BABAM2: variants seen among roughly 807,000 people sequenced by gnomAD.
The protein encoded by BABAM2 is BRISC and BRCA1-A complex member 2.
A neutral mutation model predicts 54.7 loss-of-function variants in BABAM2; 31 were observed. The ratio of observed to expected loss-of-function variants is 0.57; its 90% CI spans 0.43 to 0.77. The LOEUF (loss-of-function observed/expected upper bound fraction) is 0.77. Among genes scored for constraint, BABAM2 ranks in the 30% least tolerant of loss-of-function variants. BABAM2 has a pLI of 0.00. For missense variants in BABAM2, 364 were observed against 455.8 expected (o/e 0.80, Z 1.83); for synonymous variants, 167 against 162.9 (o/e 1.03, Z -0.19).
Position 28,240,109 on chromosome 2 carries a change from CT to C in BABAM2, c.781-1201del, listed in dbSNP as rs545871952. Among the ~76,000 whole-genome samples the C allele has an allele frequency of 7.8e-3, 1,119 of 142,586 alleles. 5 individuals are homozygous for C. Among genetic ancestry groups the C allele is most frequent in the African/African-American group, 0.02 (778 of 39,250 alleles). The allele number at this position is 142,586 out of a possible 152,430, so 93.5% of individuals were successfully genotyped here. On this transcript the variant is annotated intron_variant, in intron 8 of 11. Coordinates refer to ENST00000379624, the MANE Select transcript of BABAM2 (RefSeq NM_199191.3). ...ACTAGCACAATTTGTTTTCTTTTTT[CT>C]TTTTTTTTTTTTAAGAGATAAGATC...
chr2:27,967,224 T>C (rs927562821), intron 3 of BABAM2, among the ~76,000 whole-genome samples: 2 of 152,158 alleles, frequency 1.3e-5, no homozygotes, highest in African/African-American at 4.8e-5. Flanking sequence ...TCCCATGTGT[T>C]GTGGGAAGGA....
At chr2:28,019,934 T>C (rs1163069463) in intron 4 of BABAM2, among the ~76,000 whole-genome samples, 1 of 152,182 alleles carries the variant, frequency 6.6e-6, no homozygotes, top group Non-Finnish European at 1.5e-5. Context: ...ATGTGATGCC[T>C]CCAGATTTGT....
At chr2:27,898,812 G>A (rs1665543931) in intron 2 of BABAM2, among the ~76,000 whole-genome samples, 1 of 152,072 alleles carries the variant, frequency 6.6e-6, no homozygotes, top group Admixed American at 6.6e-5. Context: ...CTTGAGTGAG[G>A]GATTTCTTTT....
At chr2:28,080,347 C>T (rs899970417) in intron 6 of BABAM2, among the ~76,000 whole-genome samples, 2 of 152,076 alleles carry the variant, frequency 1.3e-5, no homozygotes, top group African/African-American at 4.8e-5. Flanking sequence ...ACATGTGTTT[C>T]ATTTCCTTAA....
chr2:27,972,287 G>T (rs1456229857), intron 3 of BABAM2, among the ~76,000 whole-genome samples: 1 of 152,220 alleles, frequency 6.6e-6, no homozygotes, highest in African/African-American at 2.4e-5. Flanking sequence ...GTAGAATAAT[G>T]CTTAGGGTAG....
At chr2:28,187,596 A>G (rs1285719692) in intron 7 of BABAM2, among the ~76,000 whole-genome samples, 1 of 152,154 alleles carries the variant, frequency 6.6e-6, no homozygotes, top group African/African-American at 2.4e-5. Flanking sequence ...GCTTTTACCA[A>G]AAGAATTGAA....
At chr2:28,282,923 A>G (rs565692622) in intron 10 of BABAM2, among the ~76,000 whole-genome samples, 1 of 141,764 alleles carries the variant, frequency 7.1e-6, no homozygotes, top group African/African-American at 2.6e-5. Context: ...CACTGAACCC[A>G]GGAGGCAGAG....
chr2:28,335,417 G>T (rs1389807474), intron 11 of BABAM2, among the ~76,000 whole-genome samples: 1 of 152,144 alleles, frequency 6.6e-6, no homozygotes, highest in Non-Finnish European at 1.5e-5. Flanking sequence ...TGATACACCC[G>T]CCTCGGCCTC....
intron 11 of BABAM2, among the ~76,000 whole-genome samples, chr2:28,337,509 A>G (rs902966168): frequency 1.3e-5 from 2 of 152,100 alleles, no homozygotes; most frequent in African/African-American, 4.8e-5. Context: ...TCTGAGGTAG[A>G]ACGTGGCCCT....
chr2:27,889,524 C>A (rs1294266822), upstream of BABAM2, among the ~76,000 whole-genome samples: 2 of 151,942 alleles, frequency 1.3e-5, no homozygotes, highest in African/African-American at 4.8e-5. Context: ...GAAAAGCTAC[C>A]TTAATTTAAA....
chr2:28,052,468 A>G (rs903607638), intron 6 of BABAM2, among the ~76,000 whole-genome samples: 2 of 151,840 alleles, frequency 1.3e-5, no homozygotes, highest in African/African-American at 4.8e-5. Context: ...TTGTATTTTT[A>G]GTAGAGATGG....
chr2:28,081,179 G>T (rs1351982764), intron 6 of BABAM2, among the ~76,000 whole-genome samples: 1 of 152,202 alleles, frequency 6.6e-6, no homozygotes, highest in African/African-American at 2.4e-5. Context: ...CAGACTGGCA[G>T]GCTGGTCACA....
chr2:28,190,089 T>C (rs1676739330), intron 7 of BABAM2, among the ~76,000 whole-genome samples: 1 of 152,162 alleles, frequency 6.6e-6, no homozygotes, highest in Non-Finnish European at 1.5e-5. Flanking sequence ...TGGATAGCCA[T>C]AACCAAAAAG....
intron 11 of BABAM2, chr2:28,310,094 C>T: frequency 6.2e-7 from 1 of 1,614,184 alleles, no homozygotes; most frequent in Non-Finnish European, 8.5e-7. Flanking sequence ...GAGAGAGCAA[C>T]AGAGATGGGG....
intron 6 of BABAM2, among the ~76,000 whole-genome samples, chr2:28,067,031 A>T (rs1663655487): frequency 1.3e-5 from 2 of 152,328 alleles, no homozygotes; most frequent in South Asian, 4.1e-4. Context: ...CACTGGGTTC[A>T]AATGATTCTC....
intron 5 of BABAM2, among the ~76,000 whole-genome samples, chr2:28,026,442 T>G (rs984326783): frequency 6.6e-6 from 1 of 151,688 alleles, no homozygotes; most frequent in Non-Finnish European, 1.5e-5. Flanking sequence ...GGGACATGGA[T>G]GAAGCTGGAA....
At chr2:28,077,604 G>A (rs1664801081) in intron 6 of BABAM2, among the ~76,000 whole-genome samples, 1 of 152,082 alleles carries the variant, frequency 6.6e-6, no homozygotes. Context: ...ACTATCTTCT[G>A]TTTTGAAGAA....
chr2:28,259,741 C>T (rs145952845), intron 10 of BABAM2, among the ~76,000 whole-genome samples: 188 of 151,898 alleles, frequency 1.2e-3, no homozygotes, highest in Middle Eastern at 3.4e-3. Context: ...GGTCTGTGTT[C>T]CACTTCAAGT....
chr2:28,270,060 A>G (rs1685295176), intron 10 of BABAM2, among the ~76,000 whole-genome samples: 1 of 152,172 alleles, frequency 6.6e-6, no homozygotes, highest in South Asian at 2.1e-4. Flanking sequence ...AAATTATTTT[A>G]TTGAACACCT....
Sources: gnomAD v4.1 joint callset for allele counts (sites outside exome capture counted in the v4.1 genomes callset) on GRCh38, gnomAD v4.1.1 for gene constraint, MANE v1.5 for transcripts, NCBI Gene and HGNC (gene_info 2026-07-23, HGNC 2026-07-21) for gene names.